ABCB6: variants seen among roughly 807,000 people sequenced by gnomAD.
ABCB6 encodes the protein ATP binding cassette subfamily B member 6 (LAN blood group).
ABCB6 carries 87 observed loss-of-function variants against 99.4 expected under a neutral mutation model. That is an observed-to-expected ratio of 0.88 (90% confidence interval 0.74 to 1.05). The LOEUF is 1.05. Among genes scored for constraint, ABCB6 ranks in the 50% least tolerant of loss-of-function variants. The pLI is 0.00. For synonymous variants in ABCB6, 482 were observed against 447.5 expected (o/e 1.08, Z -0.97); for missense variants, 1,050 against 1,097.9 (o/e 0.96, Z 0.62).
At chr2:219,214,033 A>G in intron 8 of ABCB6, 82 bp from the exon 9 acceptor site, 2 of 1,612,342 alleles carry the variant, frequency 1.2e-6, no homozygotes, top group Non-Finnish European at 1.7e-6. Context: ...GGCCCCTTCT[A>G]CCCCAACACT....
Position 219,216,477 on chromosome 2 carries a change from A to G in ABCB6, c.869-12T>C, listed in dbSNP as rs1402781527. 3 of 1,612,570 alleles carry G rather than the reference A, an allele frequency of 1.9e-6. No individual in the cohort carries two copies. Among genetic ancestry groups the G allele is most frequent in the Non-Finnish European group, 1.7e-6 (2 of 1,178,930 alleles). The stretch of plus-strand genomic sequence containing the variant: ...AGTCAGCAAGTTCACTGTGGAGGAA[A>G]CGAGTCAGAACCCACTTATGGCGCC... On this transcript the variant is annotated splice_polypyrimidine_tract_variant and intron_variant, in intron 3 of 18. Transcript: ENST00000265316. The surrounding 1 kb of genome is among the most constrained non-coding windows in gnomAD (Gnocchi z 4.2).
At chr2:219,214,540 C>T (rs1950616912) in intron 6 of ABCB6, 42 bp from the exon 7 acceptor site, 5 of 1,427,440 alleles carry the variant, frequency 3.5e-6, no homozygotes, top group Non-Finnish European at 5.0e-6. Context: ...GACATCATCC[C>T]CAAAAGCAGA....
chr2:219,212,286 T>G (rs1950588250), intron 14 of ABCB6, 101 bp downstream of exon 14: 2 of 982,632 alleles, frequency 2.0e-6, no homozygotes, highest in Middle Eastern at 4.2e-4. Flanking sequence ...ATGGCCCTAG[T>G]TTTTTTGCAA....
In ABCB6 at chr2:219,218,781, G is replaced by C; in HGVS notation, c.-108C>G. 5 of 1,260,104 alleles carry C rather than the reference G, an allele frequency of 4.0e-6. No individual in the cohort carries two copies. Among genetic ancestry groups the C allele is most frequent in the Non-Finnish European group, 5.3e-6 (5 of 941,732 alleles). The allele number at this position is 1,260,104 out of a possible 1,614,324, so 78.1% of individuals were successfully genotyped here. ...TCCGGGTGCCTTGGCTCACGTAGCCGCTGGGCGCCAAGCTGCGGGGGTCCC... is the reference window on the plus strand; with the variant it reads ...TCCGGGTGCCTTGGCTCACGTAGCCCCTGGGCGCCAAGCTGCGGGGGTCCC... On this transcript the variant is annotated 5_prime_UTR_variant, in exon 1 of 19. Transcript: ENST00000265316.
rs1370962524 is a variant in ABCB6, at chr2:219,211,088, C to T, written c.1989G>A (p.Arg663=). The T allele has an allele frequency of 6.2e-7, 1 of 1,614,166 alleles. No homozygotes were observed. Among genetic ancestry groups the T allele is most frequent in the African/African-American group, 1.3e-5 (1 of 75,044 alleles). ...DISQVTQASL[R]SHIGVVPQDT... ...CTTGGGGCACAACTCCAATGTGAGACCGGAGAGAGGCCTGGGTCACCTAGG... is the reference window on the plus strand; with the variant it reads ...CTTGGGGCACAACTCCAATGTGAGATCGGAGAGAGGCCTGGGTCACCTAGG... The change falls in exon 15 of 19, where the codon CGG becomes CGA. Residue 663 remains arginine (R), a synonymous_variant. Coordinates refer to ENST00000265316, the MANE Select transcript of ABCB6 (RefSeq NM_005689.4).
chr2:219,212,755 T>C (rs1278699372), intron 13 of ABCB6, among the ~76,000 whole-genome samples: 2 of 151,722 alleles, frequency 1.3e-5, no homozygotes, highest in African/African-American at 4.8e-5. Context: ...CTCCTAACCT[T>C]AGGTGATCTG....
Position 219,218,608 on chromosome 2 carries a change from G to A in ABCB6, c.66C>T (p.Gly22=). The part of the protein sequence containing the change: ...GPVGPAWMQD[G]LSPCFFFTLV... ...GCGTGAAGAAGAAGCAGGGACTCAG[G>A]CCATCCTGCATCCAGGCCGGACCCA... is the stretch of plus-strand genomic sequence containing the variant. The change falls in exon 1 of 19, where the codon GGC becomes GGT. Residue 22 remains glycine (G), a synonymous_variant. Transcript: ENST00000265316. 2 of 1,611,994 alleles carry A rather than the reference G, an allele frequency of 1.2e-6. No homozygotes were observed. The highest frequency in any genetic ancestry group is 1.7e-6 in the Non-Finnish European group (2 of 1,179,488).
chr2:219,210,402 G>A lies in ABCB6; in HGVS notation c.2330C>T (p.Thr777Ile), dbSNP rs766441015. Residue 777 changes from threonine (T) to isoleucine (I), a missense_variant, in exon 17 of 19, where the codon ACC becomes ATC. Physicochemically the swap from Thr to Ile is moderately conservative, Grantham distance 89. Transcript: ENST00000265316. ...ASLAKVCANR[T>I]TIVVAHRLST... ...GTACCTGTGTGCCACTACGATGGTG[G>A]TGCGGTTGGCACAGACTTTGGCCAG... 8 of 1,614,080 alleles carry A rather than the reference G, an allele frequency of 5.0e-6. No individual in the cohort carries two copies. In the Admixed American group the frequency reaches 1.3e-4, roughly 27 times the overall value.
Position 219,213,263 on chromosome 2 carries a change from CG to C in ABCB6, c.1782del (p.Asn594LysfsTer20). On this transcript the variant is annotated frameshift_variant, in exon 12 of 19. Coordinates refer to ENST00000265316, the MANE Select transcript of ABCB6 (RefSeq NM_005689.4). LOFTEE classifies it high-confidence loss of function. ...CACCCATCGGCATAGCTGAAGTGCA[CG>C]TTCTCAAACTCAATACGGCCCTTCT... ...RFQKGRIEFE[N>X]VHFSYADGRE... 2 of 1,614,162 alleles carry C rather than the reference CG, an allele frequency of 1.2e-6. No homozygotes were observed. Among genetic ancestry groups the C allele is most frequent in the Non-Finnish European group, 1.7e-6 (2 of 1,180,036 alleles).
rs779120164 is a variant in ABCB6 at position 219,218,379 on chromosome 2, G to A, written c.295C>T (p.Arg99Trp). The A allele has an allele frequency of 2.1e-5, 34 of 1,612,536 alleles. No homozygotes were observed. In the Middle Eastern group the frequency reaches 8.2e-4, roughly 39 times the overall value. Reference protein sequence around the residue: ...AGLAGRVGTARGAPLPSYLLL... With the variant: ...AGLAGRVGTAWGAPLPSYLLL... ...AGATAGCTTGGCAGTGGGGCCCCCC[G>A]GGCAGTGCCCACCCGGCCAGCCAGG... The change falls in exon 1 of 19, where the codon CGG (arginine) becomes TGG (tryptophan). Residue 99 changes from arginine to tryptophan, a missense_variant. Transcript: ENST00000265316.
Position 219,214,144 on chromosome 2 carries a change from G to A in ABCB6, c.1429C>T (p.Arg477Ter). ...ACCTGATATTTGATGATGGCCTCTC[G>A]ATAGCGTTCCACTTCGTAACTCTCG... is the stretch of plus-strand genomic sequence containing the variant. ...NAESYEVERYREAIIKYQGLE... is the reference protein window; with the variant it reads ...NAESYEVERY The change falls in exon 8 of 19, where the codon CGA becomes TGA. Residue 477 changes from arginine to a stop codon, truncating the protein, a stop_gained. Coordinates refer to ENST00000265316, the MANE Select transcript of ABCB6 (RefSeq NM_005689.4). LOFTEE classifies it high-confidence loss of function. The A allele has an allele frequency of 2.5e-6, 4 of 1,614,148 alleles. No homozygotes were observed. Among genetic ancestry groups the A allele is most frequent in the Non-Finnish European group, 3.4e-6 (4 of 1,180,034 alleles).
chr2:219,212,476 C>T lies in ABCB6; in HGVS notation c.1879G>A (p.Ala627Thr). Residue 627 changes from alanine to threonine, a missense_variant, in exon 14 of 19, where the codon GCA becomes ACA. By Grantham distance (58) the Ala-to-Thr change is moderately conservative. Coordinates refer to ENST00000265316, the MANE Select transcript of ABCB6 (RefSeq NM_005689.4). The stretch of plus-strand genomic sequence containing the variant: ...AGGCGCAAAATTGTGCTCTTCCCTG[C>T]CCCAGATGGGCCCACCTGTTGCATT... Reference protein sequence around the residue: ...QTLALVGPSGAGKSTILRLLF... With the variant: ...QTLALVGPSGTGKSTILRLLF... 6.2e-7 allele frequency: 1 copy of T among 1,613,974 alleles called. No homozygotes were observed. Among genetic ancestry groups the T allele is most frequent in the African/African-American group, 1.3e-5 (1 of 75,038 alleles).
chr2:219,215,210 C>G, intron 5 of ABCB6, 128 bp from the exon 6 acceptor site: 3 of 1,214,988 alleles, frequency 2.5e-6, no homozygotes, highest in Non-Finnish European at 3.4e-6. Context: ...TTAATTCTAC[C>G]CTCAAGAGGT....
chr2:219,212,376 A>G lies in ABCB6; in HGVS notation c.1968+11T>C. On this transcript the variant is annotated intron_variant, in intron 14 of 18. Transcript: ENST00000265316. ...ACCCCTAAACCACCGTCTTCTCCAG[A>G]GCAACCCTACCTGTGAAATGTCCTG... is the stretch of plus-strand genomic sequence containing the variant. 1.9e-6 allele frequency: 3 copies of G among 1,613,048 alleles called. No homozygotes were observed. Among genetic ancestry groups the G allele is most frequent in the South Asian group, 1.1e-5 (1 of 91,074 alleles).
chr2:219,218,456 T>A lies in ABCB6; in HGVS notation c.218A>T (p.Tyr73Phe), dbSNP rs755929824. 6.2e-7 allele frequency: 1 copy of A among 1,608,474 alleles called. No individual in the cohort carries two copies. The highest frequency in any genetic ancestry group is 1.1e-5 in the South Asian group (1 of 90,838). ...SWGAGPRISP[Y>F]VLQLLLATLQ... ...TGTGGCCAGAAGCAGCTGCAGCACGTAGGGAGAGATGCGAGGGCCGGCCCC... is the reference window on the plus strand; with the variant it reads ...TGTGGCCAGAAGCAGCTGCAGCACGAAGGGAGAGATGCGAGGGCCGGCCCC... Residue 73 changes from tyrosine to phenylalanine, a missense_variant, in exon 1 of 19, where the codon TAC (tyrosine) becomes TTC (phenylalanine). By Grantham distance (22) the Tyr-to-Phe change is conservative. Transcript: ENST00000265316.
At position 219,209,936 on chromosome 2, in the gene ABCB6, T is replaced by G; in HGVS notation, c.*2A>C. Reference sequence around the variant, plus strand: ...TTTGAGAGGGAAGTGGCCAAACTTTTGTCACCGTTCCATGGTCTGAGGCTT... The same window carrying G: ...TTTGAGAGGGAAGTGGCCAAACTTTGGTCACCGTTCCATGGTCTGAGGCTT... On this transcript the variant is annotated 3_prime_UTR_variant, in exon 19 of 19. Transcript: ENST00000265316. 1 of 1,613,740 alleles carries G rather than the reference T, an allele frequency of 6.2e-7. No homozygotes were observed. Among genetic ancestry groups the G allele is most frequent in the East Asian group, 2.2e-5 (1 of 44,882 alleles).
intron 14 of ABCB6, among the ~76,000 whole-genome samples, chr2:219,211,965 G>A (rs1311023291): frequency 6.6e-6 from 1 of 151,968 alleles, no homozygotes; most frequent in Non-Finnish European, 1.5e-5. Flanking sequence ...GGGTTTCACT[G>A]TGTTAGCCAG....
chr2:219,216,065 C>T lies in ABCB6; in HGVS notation c.1086G>A (p.Leu362=). The T allele has an allele frequency of 5.0e-6, 8 of 1,605,218 alleles. No individual in the cohort carries two copies. Among genetic ancestry groups the T allele is most frequent in the South Asian group, 2.2e-5 (2 of 89,782 alleles). ...GCAGCACCTCCCCTGTGCGGCGCCC[C>T]AGGTGCCAGCGCAGTGAGAGCTCGT... ...HLHELSLRWH[L]GRRTGEVLRI... Residue 362 remains leucine (L), a synonymous_variant, in exon 5 of 19, where the codon CTG becomes CTA. Coordinates refer to ENST00000265316, the MANE Select transcript of ABCB6 (RefSeq NM_005689.4). This position sits in a 1 kb window ranked among gnomAD's most constrained non-coding sequence, Gnocchi z 4.2.
rs768845134 is a variant in ABCB6, at chr2:219,216,128, C to T, written c.1023G>A (p.Thr341=). ...TFLWIRVQQF[T]SRRVELLIFS... ...AGATGAGCAGCTCCACCCGCCGAGA[C>T]GTGAACTGCTGCACCCGGATCCACA... Residue 341 remains threonine (T), a synonymous_variant, in exon 5 of 19, where the codon ACG becomes ACA. Coordinates refer to ENST00000265316, the MANE Select transcript of ABCB6 (RefSeq NM_005689.4). The surrounding 1 kb of genome is among the most constrained non-coding windows in gnomAD (Gnocchi z 4.2). The T allele has an allele frequency of 2.6e-5, 42 of 1,602,150 alleles. No individual in the cohort carries two copies. The highest frequency in any genetic ancestry group is 1.9e-4 in the South Asian group (17 of 89,250).
Sources: allele counts gnomAD v4.1 joint callset (sites outside exome capture counted in the v4.1 genomes callset), GRCh38; gene constraint gnomAD v4.1.1; non-coding constraint Gnocchi (gnomAD v3.1); transcripts MANE v1.5; gene names NCBI Gene and HGNC (gene_info 2026-07-23, HGNC 2026-07-21).